Variants in TERT observed in about 807,000 individuals in gnomAD.
TERT encodes the protein telomerase catalytic subunit.
In TERT, 42 loss-of-function variants were observed where a neutral mutation model predicts 104.0. The observed-to-expected ratio is 0.40, with a 90% CI of 0.32 to 0.52. The LOEUF is 0.52. TERT is among the 20% of genes least tolerant of loss of function. The pLI is 0.43. For synonymous variants in TERT, 781 were observed against 725.6 expected, an observed-to-expected ratio of 1.08 and a Z score of -1.23; for missense variants, 1,101 against 1,610.3, an observed-to-expected ratio of 0.68 and a Z score of 5.41.
At chr5:1,289,624 G>A (rs1485739482) in intron 2 of TERT, among the ~76,000 whole-genome samples, 4 of 110,768 alleles carry the variant, frequency 3.6e-5, no homozygotes, top group African/African-American at 1.6e-4. Flanking sequence ...AGGGACACGC[G>A]GGGACGGCGC....
rs1288975143 is a variant in TERT at position 1,286,210 on chromosome 5, G to A, written c.1574-3586C>T. 6.6e-6 allele frequency among the ~76,000 whole-genome samples: 1 copy of A among 152,140 alleles called. No homozygotes were observed. Among genetic ancestry groups the A allele is most frequent in the Non-Finnish European group, 1.5e-5 (1 of 68,044 alleles). ...CTCGTGAGTCTCCACATCTTCATCT[G>A]TGCATCATAAGCAGAGGTCCCCGGA... is the stretch of plus-strand genomic sequence containing the variant. On this transcript the variant is annotated intron_variant, in intron 2 of 15. Transcript: ENST00000310581. The surrounding 1 kb of genome is among the most constrained non-coding windows in gnomAD (Gnocchi z 5.3).
chr5:1,271,419 G>A (rs540840768), intron 7 of TERT, among the ~76,000 whole-genome samples: 3 of 152,298 alleles, frequency 2.0e-5, no homozygotes, highest in African/African-American at 7.2e-5. Context: ...TGTCTCCTCT[G>A]GGCCACCTGT....
In TERT at chr5:1,285,604, T is replaced by C. The variant is rs369245266; in HGVS notation, c.1574-2980A>G. ...TTTTTTTTTTGAGACAGAGTCTCGC[T>C]GTGTTGCCAGGCTGGAGTGCAGTGG... On this transcript the variant is annotated intron_variant, in intron 2 of 15. Transcript: ENST00000310581. 2.9e-5 allele frequency among the ~76,000 whole-genome samples: 4 copies of C among 136,794 alleles called. No individual in the cohort carries two copies. The East Asian group carries it at 8.7e-4, about 30-fold the overall frequency. The allele number at this position is 136,794 out of a possible 152,430, so 89.7% of individuals were successfully genotyped here.
intron 2 of TERT, among the ~76,000 whole-genome samples, chr5:1,291,223 GCC>G (rs1236273344): frequency 2.1e-5 from 2 of 96,568 alleles, no homozygotes; most frequent in African/African-American, 4.3e-5. Context: ...GACACCTGGG[GCC>G]GCGCCTCACT....
chr5:1,263,656 T>A lies in TERT; in HGVS notation c.2843+748A>T, dbSNP rs1300560175. Reference sequence around the variant, plus strand: ...CCTGGCCTCAAGTGATCCACCCACCTCGGCCTCCCAAAGTGCTGGGATTAT... The same window carrying A: ...CCTGGCCTCAAGTGATCCACCCACCACGGCCTCCCAAAGTGCTGGGATTAT... On this transcript the variant is annotated intron_variant, in intron 11 of 15. Transcript: ENST00000310581. This position sits in a 1 kb window ranked among gnomAD's most constrained non-coding sequence, Gnocchi z 5.3. Among the ~76,000 whole-genome samples, 1 of 152,232 alleles carries A rather than the reference T, an allele frequency of 6.6e-6. No homozygotes were observed.
intron 14 of TERT, among the ~76,000 whole-genome samples, chr5:1,254,848 G>T (rs1038162806): frequency 1.3e-5 from 2 of 151,932 alleles, no homozygotes; most frequent in African/African-American, 4.8e-5. Context: ...CTCTGTCGTG[G>T]TGATACGCGG....
At chr5:1,264,626 C>T (rs746837295) in intron 10 of TERT, 34 bp from the exon 11 acceptor site, 78 of 1,611,262 alleles carry the variant, frequency 4.8e-5, no homozygotes, top group Middle Eastern at 1.6e-4. Context: ...CCCCAGGATG[C>T]GGGGCCGTCA....
At position 1,255,553 on chromosome 5, in the gene TERT, C is replaced by T. The variant is rs972617716; in HGVS notation, c.3033-142G>A. 9.7e-5 allele frequency: 98 copies of T among 1,006,270 alleles called. No homozygotes were observed. The African/African-American group carries it at 1.3e-3, about 13-fold the overall frequency. The allele number at this position is 1,006,270 out of a possible 1,614,324, so 62.3% of individuals were successfully genotyped here. On this transcript the variant is annotated intron_variant, in intron 13 of 15. Coordinates refer to ENST00000310581, the MANE Select transcript of TERT (RefSeq NM_198253.3). The surrounding 1 kb of genome is among the most constrained non-coding windows in gnomAD (Gnocchi z 6.9). ...CCTCATGGGCACAGGTGCACACACA[C>T]GGATGCATGCATGCATGTCTGTGTG...
intron 2 of TERT, among the ~76,000 whole-genome samples, chr5:1,289,104 C>T (rs1226023631): frequency 1.3e-5 from 2 of 151,842 alleles, no homozygotes; most frequent in South Asian, 2.1e-4. Context: ...TCACCCTACA[C>T]GAGACAGGGA....
intron 2 of TERT, among the ~76,000 whole-genome samples, chr5:1,293,060 T>C: frequency 6.6e-6 from 1 of 152,274 alleles, no homozygotes; most frequent in Non-Finnish European, 1.5e-5. Flanking sequence ...CTCTGTTCAC[T>C]GCTCTGGCCT....
Position 1,294,868 on chromosome 5 carries a change from C to G in TERT, c.122G>C (p.Arg41Pro). 6.9e-7 allele frequency: 1 copy of G among 1,451,688 alleles called. No individual in the cohort carries two copies. The allele number at this position is 1,451,688 out of a possible 1,614,324, so 89.9% of individuals were successfully genotyped here. A position where few individuals can be genotyped will look rare whatever the true frequency, so the allele number is the denominator to read the frequency against. ...CGCGCGGAAAGCCGCCGGGTCCCCGCGCTGCACCAGCCGCCAGCCCTGGGG... is the reference window on the plus strand; with the variant it reads ...CGCGCGGAAAGCCGCCGGGTCCCCGGGCTGCACCAGCCGCCAGCCCTGGGG... ...LGPQGWRLVQ[R>P]GDPAAFRALV... The change falls in exon 1 of 16, where the codon CGC (arginine) becomes CCC (proline). Residue 41 changes from arginine to proline, a missense_variant. Physicochemically the swap from Arg to Pro is moderately radical, Grantham distance 103 (BLOSUM62 -2). Transcript: ENST00000310581.
At position 1,278,676 on chromosome 5, in the gene TERT, C is replaced by T. The variant is rs772070672; in HGVS notation, c.2251G>A (p.Ala751Thr). The change falls in exon 6 of 16, where the codon GCC (alanine) becomes ACC (threonine). Residue 751 changes from alanine to threonine, a missense_variant. Coordinates refer to ENST00000310581, the MANE Select transcript of TERT (RefSeq NM_198253.3). ...VRRYAVVQKAAHGHVRKAFKS... is the reference protein window; with the variant it reads ...VRRYAVVQKATHGHVRKAFKS... Reference sequence around the variant, plus strand: ...AAGGCCTTGCGGACGTGCCCATGGGCGGCCTTCTGGACCACGGCATACCGA... The same window carrying T: ...AAGGCCTTGCGGACGTGCCCATGGGTGGCCTTCTGGACCACGGCATACCGA... 54 of 1,614,154 alleles carry T rather than the reference C, an allele frequency of 3.3e-5. No individual in the cohort carries two copies. The highest frequency in any genetic ancestry group is 4.1e-5 in the Non-Finnish European group (48 of 1,180,050).
Position 1,274,697 on chromosome 5 carries a change from C to T in TERT, c.2287-2417G>A. On this transcript the variant is annotated intron_variant, in intron 6 of 15. Transcript: ENST00000310581. This position sits in a 1 kb window ranked among gnomAD's most constrained non-coding sequence, Gnocchi z 5.3. ...TGGCTCCCCACACCCCACCTAGCCT[C>T]CCGCTGTGCGCCGGGTTCCTAACAG... Among the ~76,000 whole-genome samples, 1 of 152,246 alleles carries T rather than the reference C, an allele frequency of 6.6e-6. No homozygotes were observed. Among genetic ancestry groups the T allele is most frequent in the East Asian group, 1.9e-4 (1 of 5,202 alleles).
rs1432291735 is a variant in TERT, at chr5:1,262,832, G to A, written c.2843+1572C>T. ...TCCTAAAAAATACATTTCATGGGGA[G>A]CAAAATAAGCAGTGGACAGTTCACA... On this transcript the variant is annotated intron_variant, in intron 11 of 15. Coordinates refer to ENST00000310581, the MANE Select transcript of TERT (RefSeq NM_198253.3). This position sits in a 1 kb window ranked among gnomAD's most constrained non-coding sequence, Gnocchi z 5.6. Among the ~76,000 whole-genome samples the A allele has an allele frequency of 1.3e-5, 2 of 152,244 alleles. No individual in the cohort carries two copies. The highest frequency in any genetic ancestry group is 4.8e-5 in the African/African-American group (2 of 41,464).
chr5:1,263,797 G>A lies in TERT; in HGVS notation c.2843+607C>T, dbSNP rs916009230. Among the ~76,000 whole-genome samples, 12 of 152,170 alleles carry A rather than the reference G, an allele frequency of 7.9e-5. No homozygotes were observed. Among genetic ancestry groups the A allele is most frequent in the Admixed American group, 6.5e-4 (10 of 15,284 alleles). ...ATTCATTTGTGTCTGAGCCTGAGAC[G>A]GGGCCTTGAGCTCTCGGGCTCTGGG... On this transcript the variant is annotated intron_variant, in intron 11 of 15. Transcript: ENST00000310581. This position sits in a 1 kb window ranked among gnomAD's most constrained non-coding sequence, Gnocchi z 5.3.
intron 2 of TERT, among the ~76,000 whole-genome samples, chr5:1,289,582 G>A (rs1375800641): frequency 2.8e-5 from 3 of 105,266 alleles, no homozygotes; most frequent in South Asian, 3.1e-4. Flanking sequence ...AGGGACACCC[G>A]GGGACGGCGC....
Position 1,261,162 on chromosome 5 carries a change from A to C in TERT, c.2844-562T>G, listed in dbSNP as rs1178874272. On this transcript the variant is annotated intron_variant, in intron 11 of 15. Coordinates refer to ENST00000310581, the MANE Select transcript of TERT (RefSeq NM_198253.3). The surrounding 1 kb of genome is among the most constrained non-coding windows in gnomAD (Gnocchi z 7.4). ...AGGGCCTCACCACCACTCACTGCCCATGTATGTCCATGTCCAAAGATGAAC... is the reference window on the plus strand; with the variant it reads ...AGGGCCTCACCACCACTCACTGCCCCTGTATGTCCATGTCCAAAGATGAAC... Among the ~76,000 whole-genome samples the C allele has an allele frequency of 6.6e-6, 1 of 152,186 alleles. No individual in the cohort carries two copies. The highest frequency in any genetic ancestry group is 1.5e-5 in the Non-Finnish European group (1 of 68,026).
At chr5:1,264,622 G>C in intron 10 of TERT, 30 bp from the exon 11 acceptor site, 1 of 1,612,292 alleles carries the variant, frequency 6.2e-7, no homozygotes, top group Non-Finnish European at 8.5e-7. Flanking sequence ...TCAGCCCCAG[G>C]ATGCGGGGCC....
At chr5:1,273,999 C>T (rs1245128232) in intron 6 of TERT, among the ~76,000 whole-genome samples, 1 of 152,226 alleles carries the variant, frequency 6.6e-6, no homozygotes, top group Non-Finnish European at 1.5e-5. Context: ...CTGCAGACTC[C>T]CCCAGGACGC....
Sources: allele counts gnomAD v4.1 joint callset (sites outside exome capture counted in the v4.1 genomes callset), GRCh38; gene constraint gnomAD v4.1.1; non-coding constraint Gnocchi (gnomAD v3.1); transcripts MANE v1.5; gene names NCBI Gene and HGNC (gene_info 2026-07-23, HGNC 2026-07-21).